Variants in FAM13A observed in about 807,000 individuals in gnomAD.
FAM13A encodes the protein protein FAM13A.
FAM13A carries 76 observed loss-of-function variants against 129.6 expected under a neutral mutation model. The observed-to-expected ratio is 0.59, with a 90% confidence interval of 0.49 to 0.71. The LOEUF is 0.71. FAM13A is among the 30% of genes least tolerant of loss of function. The pLI is 0.00. For missense variants in FAM13A, 1,108 were observed against 1,249.3 expected (o/e 0.89, Z 1.70); for synonymous variants, 443 against 449.9 (o/e 0.98, Z 0.20).
At chr4:88,991,369 C>A (rs575617627) in intron 3 of FAM13A, among the ~76,000 whole-genome samples, 25 of 152,050 alleles carry the variant, frequency 1.6e-4, no homozygotes, top group Non-Finnish European at 2.8e-4. Context: ...ACCCGGGAGG[C>A]GGAGCTCGCA....
chr4:88,804,182 G>A (rs1728095012), intron 8 of FAM13A, among the ~76,000 whole-genome samples: 2 of 152,146 alleles, frequency 1.3e-5, no homozygotes, highest in African/African-American at 4.8e-5. Flanking sequence ...AAACCCGGGA[G>A]GCGGAGGTTG....
At chr4:88,876,229 A>G (rs941287799) in intron 6 of FAM13A, among the ~76,000 whole-genome samples, 1 of 152,196 alleles carries the variant, frequency 6.6e-6, no homozygotes, top group African/African-American at 2.4e-5. Context: ...AACATGGCAC[A>G]TGTATACATA....
chr4:88,827,143 G>A (rs1578845517), intron 7 of FAM13A, among the ~76,000 whole-genome samples: 1 of 152,062 alleles, frequency 6.6e-6, no homozygotes, highest in East Asian at 1.9e-4. Flanking sequence ...AAATCCAAAT[G>A]CCTTTTCTTA....
intron 5 of FAM13A, among the ~76,000 whole-genome samples, chr4:88,918,997 G>A (rs1356669301): frequency 2.0e-5 from 3 of 152,210 alleles, no homozygotes; most frequent in African/African-American, 4.8e-5. Flanking sequence ...CAAAGTGAAT[G>A]AGAAATACAT....
intron 7 of FAM13A, among the ~76,000 whole-genome samples, chr4:88,835,819 A>C (rs1734718443): frequency 6.6e-6 from 1 of 152,084 alleles, no homozygotes; most frequent in South Asian, 2.1e-4. Context: ...GCTGTAAATA[A>C]AGATGAGGCT....
At chr4:88,763,789 G>A (rs1055238346) in intron 13 of FAM13A, among the ~76,000 whole-genome samples, 4 of 152,142 alleles carry the variant, frequency 2.6e-5, no homozygotes, top group African/African-American at 9.7e-5. Context: ...AATATTAACC[G>A]AAGAACTACA....
intron 7 of FAM13A, among the ~76,000 whole-genome samples, chr4:88,822,234 C>T (rs1732105153): frequency 6.6e-6 from 1 of 152,122 alleles, no homozygotes; most frequent in African/African-American, 2.4e-5. Context: ...CCTTGGGCAG[C>T]CCTGAGGCCC....
At chr4:88,980,317 TG>T (rs1181162452) in intron 4 of FAM13A, among the ~76,000 whole-genome samples, 2 of 152,170 alleles carry the variant, frequency 1.3e-5, no homozygotes, top group African/African-American at 2.4e-5. Context: ...CTTTATACTG[TG>T]GGGGGTTTTG....
chr4:88,887,378 A>G (rs1744593913), intron 6 of FAM13A, among the ~76,000 whole-genome samples: 1 of 152,208 alleles, frequency 6.6e-6, no homozygotes, highest in Admixed American at 6.5e-5. Context: ...ATAACTAAAT[A>G]TTCCATAATG....
intron 7 of FAM13A, among the ~76,000 whole-genome samples, chr4:88,813,665 T>C (rs1297904172): frequency 6.6e-6 from 1 of 152,178 alleles, no homozygotes; most frequent in Non-Finnish European, 1.5e-5. Flanking sequence ...GAGACAAAGA[T>C]GTGCAGAAGG....
chr4:88,749,096 G>T, intron 16 of FAM13A, 63 bp from the exon 17 acceptor site: 1 of 1,224,824 alleles, frequency 8.2e-7, no homozygotes, highest in Non-Finnish European at 1.2e-6. Context: ...AGAAGTGTTT[G>T]ATGATCATTT....
chr4:88,984,321 A>G (rs10033484), intron 4 of FAM13A, among the ~76,000 whole-genome samples: 103,745 of 152,004 alleles, frequency 0.68, 35,478 homozygotes, highest in Middle Eastern at 0.79. Context: ...AAACCTCTGC[A>G]CTTAAAAGGA....
intron 5 of FAM13A, among the ~76,000 whole-genome samples, chr4:88,913,189 G>A (rs1749412733): frequency 2.3e-5 from 3 of 128,646 alleles, no homozygotes; most frequent in African/African-American, 5.9e-5. Context: ...AAGTGGAGGA[G>A]GAAGAGGAAG....
intron 4 of FAM13A, among the ~76,000 whole-genome samples, chr4:88,956,916 G>GT (rs1246018607): frequency 8.5e-5 from 13 of 152,178 alleles, no homozygotes; most frequent in African/African-American, 3.1e-4. Flanking sequence ...AATGTTGGAG[G>GT]TAGGACCTGG....
At chr4:88,817,115 A>C (rs1730892916) in intron 7 of FAM13A, among the ~76,000 whole-genome samples, 1 of 152,204 alleles carries the variant, frequency 6.6e-6, no homozygotes, top group Admixed American at 6.6e-5. Flanking sequence ...TACCAAGGGG[A>C]AGAAACTACT....
At chr4:88,858,536 A>G (rs2150020923) in intron 6 of FAM13A, among the ~76,000 whole-genome samples, 1 of 152,354 alleles carries the variant, frequency 6.6e-6, no homozygotes, top group South Asian at 2.1e-4. Context: ...AAAATGTGGT[A>G]TATCTGTAGG....
chr4:88,986,789 A>G (rs1378667435), intron 4 of FAM13A, among the ~76,000 whole-genome samples: 1 of 152,270 alleles, frequency 6.6e-6, no homozygotes, highest in Non-Finnish European at 1.5e-5. Flanking sequence ...AGTTACAAAT[A>G]TGAAATCAAA....
chr4:88,770,905 A>G (rs893668342), intron 11 of FAM13A, among the ~76,000 whole-genome samples: 2 of 152,134 alleles, frequency 1.3e-5, no homozygotes, highest in Non-Finnish European at 2.9e-5. Context: ...CTCTCCAATG[A>G]TTTGAGGTTT....
intron 5 of FAM13A, among the ~76,000 whole-genome samples, chr4:88,919,958 T>C (rs1463249780): frequency 6.6e-6 from 1 of 152,108 alleles, no homozygotes; most frequent in African/African-American, 2.4e-5. Context: ...AGCGCAGCAG[T>C]CTGAGATCAA....
Sources: allele counts gnomAD v4.1 joint callset (sites outside exome capture counted in the v4.1 genomes callset), GRCh38; gene constraint gnomAD v4.1.1; transcripts MANE v1.5; gene names NCBI Gene and HGNC (gene_info 2026-07-23, HGNC 2026-07-21).